The following C3 variants were observed in gnomAD, a reference collection of about 807,000 sequenced individuals.
C3 encodes C3 and PZP-like alpha-2-macroglobulin domain-containing protein 1.
C3 carries 97 observed loss-of-function variants against 207.9 expected under a neutral mutation model. The observed-to-expected ratio is 0.47, with a 90% confidence interval of 0.40 to 0.55. The LOEUF (loss-of-function observed/expected upper bound fraction) is 0.55, where lower values mean the gene tolerates loss of function less well. Ranked by LOEUF, C3 falls within the 20% of genes least tolerant of loss-of-function variation. The pLI is 0.00. For missense variants in C3, 1,684 were observed against 2,171.7 expected (o/e 0.78, Z 4.46); for synonymous variants, 848 against 857.6 (o/e 0.99, Z 0.20).
chr19:6,701,936 T>C (rs1000384769), intron 19 of C3, among the ~76,000 whole-genome samples, 191 bp downstream of exon 19: 4 of 152,222 alleles, frequency 2.6e-5, no homozygotes, highest in Non-Finnish European at 4.4e-5. Context: ...GACTCTTGGC[T>C]GAATTCTTTC....
In C3 at chr19:6,706,805, A is replaced by C. The variant is rs570021522; in HGVS notation, c.2245+271T>G. Among the ~76,000 whole-genome samples, 7 of 124,760 alleles carry C rather than the reference A, an allele frequency of 5.6e-5. No individual in the cohort carries two copies. In the East Asian group the frequency reaches 1.6e-3, roughly 28 times the overall value. 81.8% of individuals were successfully genotyped at this position (124,760 alleles called of 152,430 possible). On this transcript the variant is annotated intron_variant, in intron 17 of 40. Transcript: ENST00000245907. ...AGACAGAGGCCTCCTCCCTCCTCAGACGGGGACCTCCTCCCCCCTCAAGGC... is the reference window on the plus strand; with the variant it reads ...AGACAGAGGCCTCCTCCCTCCTCAGCCGGGGACCTCCTCCCCCCTCAAGGC...
chr19:6,707,611 G>A, intron 15 of C3, 74 bp from the exon 16 acceptor site: 4 of 1,556,314 alleles, frequency 2.6e-6, no homozygotes, highest in Admixed American at 1.7e-5. Flanking sequence ...CCTCACGATC[G>A]TGTGAGGTGG....
At chr19:6,697,208 G>A in intron 21 of C3, 136 bp downstream of exon 21, 1 of 739,440 alleles carries the variant, frequency 1.4e-6, no homozygotes, top group East Asian at 2.7e-5. Context: ...CTGAAATTCT[G>A]GGACTTCCAA....
At chr19:6,707,635 C>A in intron 15 of C3, 98 bp from the exon 16 acceptor site, 1 of 1,536,944 alleles carries the variant, frequency 6.5e-7, no homozygotes, top group South Asian at 1.1e-5. Flanking sequence ...TGTTCCTGCT[C>A]CCATTTGATG....
intron 17 of C3, among the ~76,000 whole-genome samples, chr19:6,706,481 C>T (rs1055626809): frequency 6.6e-5 from 10 of 152,268 alleles, no homozygotes; most frequent in East Asian, 1.9e-4. Context: ...TGGGCATCTA[C>T]GCTTCTCTGA....
At chr19:6,683,484 T>G (rs1917919398) in intron 33 of C3, 2 of 145,936 alleles carry the variant, frequency 1.4e-5, no homozygotes, top group Non-Finnish European at 3.0e-5. Context: ...AGAGTCTTGC[T>G]CTTTCGCCCA....
Position 6,679,259 on chromosome 19 carries a change from C to T in C3, c.4547-51G>A, listed in dbSNP as rs148377730. 2.1e-5 allele frequency: 32 copies of T among 1,544,048 alleles called. No homozygotes were observed. Among genetic ancestry groups the T allele is most frequent in the Non-Finnish European group, 2.9e-5 (32 of 1,116,106 alleles). ...CTAAGTCCCACTCCTTATCTGGGGC[C>T]TACTGCCCATGGGTGTGGCCAGCCC... is the stretch of plus-strand genomic sequence containing the variant. On this transcript the variant is annotated intron_variant, in intron 37 of 40. Coordinates refer to ENST00000245907, the MANE Select transcript of C3 (RefSeq NM_000064.4).
At chr19:6,686,951 C>T (rs759520541) in intron 27 of C3, 49 bp from the exon 28 acceptor site, 10 of 1,585,810 alleles carry the variant, frequency 6.3e-6, no homozygotes, top group East Asian at 2.2e-5. Context: ...ATTGCTGTCA[C>T]GTTAGTAAGG....
rs200337105 is a variant in C3 at position 6,687,820 on chromosome 19, CTTTG to C, written c.3490-922_3490-919del. 9.5e-3 allele frequency among the ~76,000 whole-genome samples: 1,426 copies of C among 150,692 alleles called. 14 individuals are homozygous for C. The highest frequency in any genetic ancestry group is 0.037 in the East Asian group (191 of 5,102). ...ATTTATTTAACTGTAACTTTTATAA[CTTTG>C]TTTGTTTGGTTGGTTGGTTGGGTTT... On this transcript the variant is annotated intron_variant, in intron 27 of 40. Transcript: ENST00000245907.
intron 16 of C3, 24 bp from the exon 17 acceptor site, chr19:6,707,297 G>C (rs1184129060): frequency 1.9e-6 from 3 of 1,604,612 alleles, no homozygotes. Flanking sequence ...TGTTCCCCCA[G>C]GCCACACCCT....
In C3 at chr19:6,707,069, G is replaced by T; in HGVS notation, c.2245+7C>A. Reference sequence around the variant, plus strand: ...CCCTCCCCCTGTCCCCACCCCGTGGGACCTACTCCTGGCCAGGCCCAGGTG... The same window carrying T: ...CCCTCCCCCTGTCCCCACCCCGTGGTACCTACTCCTGGCCAGGCCCAGGTG... On this transcript the variant is annotated splice_region_variant and intron_variant, in intron 17 of 40. Transcript: ENST00000245907. 1 of 1,607,788 alleles carries T rather than the reference G, an allele frequency of 6.2e-7. No homozygotes were observed. Among genetic ancestry groups the T allele is most frequent in the Non-Finnish European group, 8.5e-7 (1 of 1,178,738 alleles).
chr19:6,713,372 G>C, intron 8 of C3, 35 bp downstream of exon 8: 1 of 1,613,820 alleles, frequency 6.2e-7, no homozygotes, highest in Non-Finnish European at 8.5e-7. Flanking sequence ...GGCGGGGACT[G>C]GGGCAGGGAT....
chr19:6,680,522 C>T (rs1917833638), intron 35 of C3, among the ~76,000 whole-genome samples: 1 of 152,156 alleles, frequency 6.6e-6, no homozygotes, highest in African/African-American at 2.4e-5. Context: ...CATGCACAAT[C>T]TTATTTCCAT....
At position 6,709,754 on chromosome 19, in the gene C3, C is replaced by T. The variant is rs121909583; in HGVS notation, c.1775G>A (p.Arg592Gln). The part of the protein sequence containing the change: ...TLKIEGDHGA[R>Q]VVLVAVDKGV... The stretch of plus-strand genomic sequence containing the variant: ...CTTGTCCACGGCCACCAGTACCACC[C>T]GGGCCCCGTGGTCACCCTCTATCTT... Residue 592 changes from arginine (R) to glutamine (Q), a missense_variant, in exon 14 of 41, where the codon CGG becomes CAG. By Grantham distance (43) the Arg-to-Gln change is conservative. This residue lies in a region of C3 where 1,280 missense variants were observed against 1,739.1 expected (regional missense o/e 0.74). Coordinates refer to ENST00000245907, the MANE Select transcript of C3 (RefSeq NM_000064.4). The T allele has an allele frequency of 1.2e-6, 2 of 1,614,012 alleles. No individual in the cohort carries two copies. The highest frequency in any genetic ancestry group is 2.7e-5 in the African/African-American group (2 of 75,012).
At chr19:6,700,144 TTAAA>T (rs1269559133) in intron 19 of C3, among the ~76,000 whole-genome samples, 3 of 143,410 alleles carry the variant, frequency 2.1e-5, no homozygotes, top group African/African-American at 7.6e-5. Flanking sequence ...TATATTATAA[TTAAA>T]TTTCTTATAA....
intron 27 of C3, among the ~76,000 whole-genome samples, chr19:6,687,281 T>G (rs1476443873): frequency 6.6e-6 from 1 of 152,188 alleles, no homozygotes; most frequent in African/African-American, 2.4e-5. Context: ...GGGGAGACAT[T>G]CTCCAAATTG....
rs1228164887 is a variant in C3, at chr19:6,690,743, G to A, written c.3391-16C>T. The stretch of plus-strand genomic sequence containing the variant: ...GTAATCCACCCTGAGATAGAGAGCA[G>A]AAAGCAAGGATGGGGTCACCGGTGT... On this transcript the variant is annotated splice_polypyrimidine_tract_variant and intron_variant, in intron 26 of 40. Transcript: ENST00000245907. The A allele has an allele frequency of 1.9e-6, 3 of 1,603,186 alleles. No individual in the cohort carries two copies. The South Asian group carries it at 3.3e-5, about 18-fold the overall frequency.
intron 35 of C3, among the ~76,000 whole-genome samples, chr19:6,681,191 G>A (rs1296630639): frequency 6.6e-6 from 1 of 150,858 alleles, no homozygotes; most frequent in Non-Finnish European, 1.5e-5. Context: ...AGGAGTTTAA[G>A]ACCAGCCTAG....
In C3 at chr19:6,717,846, T is replaced by C. The variant is rs1968072975; in HGVS notation, c.504+248A>G. 5.0e-6 allele frequency: 3 copies of C among 596,610 alleles called. No homozygotes were observed. In the East Asian group the frequency reaches 9.5e-5, roughly 19 times the overall value. The allele number at this position is 596,610 out of a possible 1,614,324, so 37.0% of individuals were successfully genotyped here. A position where few individuals can be genotyped will look rare whatever the true frequency, so the allele number is the denominator to read the frequency against. On this transcript the variant is annotated intron_variant, in intron 4 of 40. Transcript: ENST00000245907. ...TTGTGTGTTTGTGTGTGTTGCATTG[T>C]GTGTGTGCATTGTGTGTGCACATGT...
Sources: allele counts gnomAD v4.1 joint callset (sites outside exome capture counted in the v4.1 genomes callset), GRCh38; gene constraint gnomAD v4.1.1; regional missense constraint gnomAD v4.1.1; transcripts MANE v1.5; gene names NCBI Gene and HGNC (gene_info 2026-07-23, HGNC 2026-07-21).